The following ZFPM2 variants were observed in gnomAD, a reference collection of about 807,000 sequenced individuals.
ZFPM2 encodes zinc finger protein ZFPM2.
A neutral mutation model predicts 98.6 loss-of-function variants in ZFPM2; 20 were observed. That is an observed-to-expected ratio of 0.20 (90% CI 0.14 to 0.29). The LOEUF is 0.29. Ranked by LOEUF, ZFPM2 falls within the 10% of genes least tolerant of loss-of-function variation. The pLI is 1.00. For synonymous variants in ZFPM2, 518 were observed against 502.7 expected (o/e 1.03, Z -0.41); for missense variants, 1,310 against 1,388.6 (o/e 0.94, Z 0.90).
At chr8:105,380,681 T>TACAC (rs1358829985) in intron 1 of ZFPM2, among the ~76,000 whole-genome samples, 2 of 17,356 alleles carry the variant, frequency 1.2e-4, no homozygotes, top group African/African-American at 2.6e-4. Flanking sequence ...ATATATTATA[T>TACAC]ATATATTATA....
intron 3 of ZFPM2, among the ~76,000 whole-genome samples, chr8:105,459,877 G>T (rs183556808): frequency 6.6e-6 from 1 of 152,258 alleles, no homozygotes; most frequent in Non-Finnish European, 1.5e-5. Flanking sequence ...GAGTGGATAC[G>T]GTGGCTGTAA....
chr8:105,683,474 AAGC>A (rs1810659496), intron 5 of ZFPM2, among the ~76,000 whole-genome samples: 1 of 152,160 alleles, frequency 6.6e-6, no homozygotes, highest in African/African-American at 2.4e-5. Context: ...GGATGACTAC[AAGC>A]CTATTTCTGT....
intron 5 of ZFPM2, among the ~76,000 whole-genome samples, chr8:105,692,072 A>G (rs1442014846): frequency 6.6e-6 from 1 of 152,152 alleles, no homozygotes; most frequent in African/African-American, 2.4e-5. Context: ...TCTATAGTGG[A>G]CTCCAAAGAA....
At chr8:105,342,406 C>T (rs576191290) in intron 1 of ZFPM2, among the ~76,000 whole-genome samples, 12 of 152,106 alleles carry the variant, frequency 7.9e-5, no homozygotes, top group African/African-American at 2.6e-4. Context: ...GAATCCTTCT[C>T]TTGATGGAAG....
Position 105,794,243 on chromosome 8 carries a change from T to G in ZFPM2, c.740-4481T>G, listed in dbSNP as rs565686706. 1.9e-4 allele frequency among the ~76,000 whole-genome samples: 29 copies of G among 152,230 alleles called. 2 individuals are homozygous for G. The South Asian group carries it at 5.8e-3, about 30-fold the overall frequency. On this transcript the variant is annotated intron_variant, in intron 6 of 7. Transcript: ENST00000407775. ...GTCTTTGATGATGGTGATGTACAGATGGGTTTTTGGTGTGGATGTCCTTTC... is the reference window on the plus strand; with the variant it reads ...GTCTTTGATGATGGTGATGTACAGAGGGGTTTTTGGTGTGGATGTCCTTTC...
chr8:105,732,292 C>G (rs1305513363), intron 5 of ZFPM2, among the ~76,000 whole-genome samples: 1 of 151,830 alleles, frequency 6.6e-6, no homozygotes, highest in Non-Finnish European at 1.5e-5. Flanking sequence ...CTTGTACTCT[C>G]TCCTTCTTAA....
rs78817994 is a variant in ZFPM2, at chr8:105,396,745, C to T, written c.41-22399C>T. On this transcript the variant is annotated intron_variant, in intron 1 of 7. Coordinates refer to ENST00000407775, the MANE Select transcript of ZFPM2 (RefSeq NM_012082.4). ...CAACATTCACTTGCATTAGAATGGC[C>T]TTTTAGGGTCTAACAAAATACAAAT... Among the ~76,000 whole-genome samples the T allele has an allele frequency of 5.4e-3, 826 of 152,146 alleles. 3 individuals are homozygous for T. The highest frequency in any genetic ancestry group is 0.019 in the African/African-American group (792 of 41,510).
intron 1 of ZFPM2, among the ~76,000 whole-genome samples, chr8:105,331,168 T>TACACACAC (rs113815707): frequency 0.019 from 2,797 of 146,698 alleles, 45 homozygotes; most frequent in Non-Finnish European, 0.029. Flanking sequence ...ATATATATTA[T>TACACACAC]ACACACACAC....
chr8:105,510,942 C>A (rs1386356735), intron 3 of ZFPM2, among the ~76,000 whole-genome samples: 4 of 152,224 alleles, frequency 2.6e-5, no homozygotes, highest in Non-Finnish European at 1.5e-5. Flanking sequence ...TCGGGTTTCA[C>A]ATATTCACTT....
chr8:105,541,623 G>C (rs775604198), intron 3 of ZFPM2, among the ~76,000 whole-genome samples: 4 of 152,118 alleles, frequency 2.6e-5, no homozygotes, highest in Non-Finnish European at 4.4e-5. Context: ...TACACCTAAG[G>C]CCATACCTAC....
chr8:105,333,556 A>G (rs1812272731), intron 1 of ZFPM2, among the ~76,000 whole-genome samples: 1 of 151,766 alleles, frequency 6.6e-6, no homozygotes, highest in South Asian at 2.1e-4. Context: ...CTGGCATTTT[A>G]TAGCAATTAA....
Position 105,318,479 on chromosome 8 carries a change from G to A in ZFPM2, c.-463G>A, listed in dbSNP as rs1344652532. 1.3e-5 allele frequency among the ~76,000 whole-genome samples: 2 copies of A among 149,870 alleles called. No homozygotes were observed. The highest frequency in any genetic ancestry group is 2.0e-4 in the East Asian group (1 of 4,936). On this transcript the variant is annotated 5_prime_UTR_variant, in exon 1 of 8. Coordinates refer to ENST00000407775, the MANE Select transcript of ZFPM2 (RefSeq NM_012082.4). ...GGCCCGGAGCGGCGGCGGCGGCGCC[G>A]GAGTATCCGTCCCGCACGCCGGGGC...
At position 105,724,373 on chromosome 8, in the gene ZFPM2, A is replaced by G. The variant is rs566951497; in HGVS notation, c.533-64345A>G. ...CAATTCAACTTTTTCTTCTAATGCC[A>G]TGAATTTTCTCTGCTTCTTGGGAGC... is the stretch of plus-strand genomic sequence containing the variant. On this transcript the variant is annotated intron_variant, in intron 5 of 7. Transcript: ENST00000407775. Among the ~76,000 whole-genome samples the G allele has an allele frequency of 2.0e-5, 3 of 152,016 alleles. No homozygotes were observed. The South Asian group carries it at 6.2e-4, about 31-fold the overall frequency.
At chr8:105,693,825 T>G (rs573874933) in intron 5 of ZFPM2, among the ~76,000 whole-genome samples, 4 of 152,052 alleles carry the variant, frequency 2.6e-5, no homozygotes, top group Non-Finnish European at 5.9e-5. Flanking sequence ...CTCTCTGTAG[T>G]CATACAATGG....
chr8:105,439,489 G>T (rs913574663), intron 2 of ZFPM2, among the ~76,000 whole-genome samples: 4 of 152,128 alleles, frequency 2.6e-5, no homozygotes, highest in Admixed American at 2.6e-4. Context: ...TGCTTGTTGG[G>T]GAAAGGAGAT....
At chr8:105,790,464 G>C (rs200539099) in intron 6 of ZFPM2, among the ~76,000 whole-genome samples, 1 of 152,038 alleles carries the variant, frequency 6.6e-6, no homozygotes, top group Admixed American at 6.6e-5. Flanking sequence ...TCTCTATTTT[G>C]GTACCAGTAC....
chr8:105,726,771 G>A (rs78317152), intron 5 of ZFPM2, among the ~76,000 whole-genome samples: 11,901 of 151,792 alleles, frequency 0.078, 645 homozygotes, highest in African/African-American at 0.14. Flanking sequence ...AAGCCTGCCT[G>A]TTGTGGGCTA....
At chr8:105,338,023 G>A (rs1234295127) in intron 1 of ZFPM2, among the ~76,000 whole-genome samples, 1 of 151,532 alleles carries the variant, frequency 6.6e-6, no homozygotes, top group Non-Finnish European at 1.5e-5. Flanking sequence ...AATATTTTCT[G>A]TACTTTGTTA....
At chr8:105,446,248 G>A (rs1812368030) in intron 3 of ZFPM2, among the ~76,000 whole-genome samples, 1 of 152,178 alleles carries the variant, frequency 6.6e-6, no homozygotes. Context: ...AATTAAGTAT[G>A]TATATGTTAA....
Sources: gnomAD v4.1 joint callset for allele counts (sites outside exome capture counted in the v4.1 genomes callset) on GRCh38, gnomAD v4.1.1 for gene constraint, MANE v1.5 for transcripts, NCBI Gene and HGNC (gene_info 2026-07-23, HGNC 2026-07-21) for gene names.